Variants in CDKAL1 observed in about 807,000 individuals in gnomAD.
CDKAL1 encodes the protein CDKAL1 threonylcarbamoyladenosine tRNA methylthiotransferase.
CDKAL1 carries 32 observed loss-of-function variants against 68.2 expected under a neutral mutation model. The observed-to-expected ratio is 0.47, with a 90% CI of 0.35 to 0.63. The LOEUF is 0.63. CDKAL1 is among the 30% of genes least tolerant of loss of function. The pLI is 0.00. For missense variants in CDKAL1, 606 were observed against 696.7 expected (o/e 0.87, Z 1.47); for synonymous variants, 234 against 244.3 (o/e 0.96, Z 0.39).
Position 21,148,847 on chromosome 6 carries a change from A to G in CDKAL1, c.1299+40384A>G, listed in dbSNP as rs932600972. 3.9e-5 allele frequency among the ~76,000 whole-genome samples: 6 copies of G among 152,338 alleles called. No individual in the cohort carries two copies. The East Asian group carries it at 5.8e-4, about 15-fold the overall frequency. On this transcript the variant is annotated intron_variant, in intron 13 of 15. Transcript: ENST00000274695. The stretch of plus-strand genomic sequence containing the variant: ...ACTAATTCACCAAAAATAAGTACAC[A>G]TACTTTTCAATTTTAAAAGATTACC...
chr6:21,119,936 C>T (rs752965430), intron 13 of CDKAL1, among the ~76,000 whole-genome samples: 2 of 152,184 alleles, frequency 1.3e-5, no homozygotes, highest in Non-Finnish European at 2.9e-5. Flanking sequence ...TCCTCCATCC[C>T]TCCTCTGTTG....
intron 10 of CDKAL1, among the ~76,000 whole-genome samples, chr6:20,988,648 T>TTTTA (rs1289236324): frequency 6.6e-6 from 1 of 151,860 alleles, no homozygotes; most frequent in African/African-American, 2.4e-5. Context: ...TTGTTTCTAT[T>TTTTA]TTTATTTATT....
At chr6:21,014,718 A>G (rs931561121) in intron 11 of CDKAL1, among the ~76,000 whole-genome samples, 2 of 152,160 alleles carry the variant, frequency 1.3e-5, no homozygotes, top group East Asian at 1.9e-4. Flanking sequence ...TCTCTTGAGC[A>G]TCAATACCGA....
intron 5 of CDKAL1, among the ~76,000 whole-genome samples, chr6:20,719,191 G>C (rs1772231467): frequency 6.6e-6 from 1 of 152,174 alleles, no homozygotes; most frequent in African/African-American, 2.4e-5. Context: ...AGTAGAGGAG[G>C]AGGATGGGCA....
intron 4 of CDKAL1, among the ~76,000 whole-genome samples, chr6:20,603,992 C>T (rs889273120): frequency 2.0e-5 from 3 of 148,686 alleles, no homozygotes; most frequent in Non-Finnish European, 4.5e-5. Context: ...AGACCTGGAA[C>T]AAACAGGATG....
chr6:21,124,420 G>T (rs1425620947), intron 13 of CDKAL1, among the ~76,000 whole-genome samples: 1 of 152,060 alleles, frequency 6.6e-6, no homozygotes, highest in Admixed American at 6.5e-5. Flanking sequence ...ACATGCAACA[G>T]ACTCGGGGGC....
At chr6:21,148,623 T>C (rs148721126) in intron 13 of CDKAL1, among the ~76,000 whole-genome samples, 2 of 152,170 alleles carry the variant, frequency 1.3e-5, no homozygotes, top group African/African-American at 4.8e-5. Flanking sequence ...CTGGATATAT[T>C]TTTCTTTTTT....
chr6:21,018,572 T>C (rs1045023348), intron 11 of CDKAL1, among the ~76,000 whole-genome samples: 4 of 152,226 alleles, frequency 2.6e-5, no homozygotes, highest in Admixed American at 1.3e-4. Flanking sequence ...AATAAGCTTC[T>C]GCCTGAGTAA....
rs933214825 is a variant in CDKAL1 at position 21,108,579 on chromosome 6, A to T, written c.1299+116A>T. On this transcript the variant is annotated intron_variant, in intron 13 of 15. Transcript: ENST00000274695. ...CACTTACCAATTACATTTATATTTC[A>T]ATTTAAATTTTTTAGCTCTTTATCC... is the stretch of plus-strand genomic sequence containing the variant. 52 of 623,368 alleles carry T rather than the reference A, an allele frequency of 8.3e-5. No homozygotes were observed. In the African/African-American group the frequency reaches 9.1e-4, roughly 11 times the overall value. The allele number at this position is 623,368 out of a possible 1,614,324, so 38.6% of individuals were successfully genotyped here.
chr6:21,042,960 T>C (rs1420824026), intron 11 of CDKAL1, among the ~76,000 whole-genome samples: 1 of 152,164 alleles, frequency 6.6e-6, no homozygotes. Context: ...GACATAGAGA[T>C]AGTAATAGTA....
intron 12 of CDKAL1, among the ~76,000 whole-genome samples, chr6:21,091,858 T>C (rs889783236): frequency 4.2e-3 from 7 of 1,682 alleles, no homozygotes; most frequent in South Asian, 0.022. Flanking sequence ...CAGAACTTTC[T>C]TTTTTTTTTT....
At position 20,880,551 on chromosome 6, in the gene CDKAL1, G is replaced by A. The variant is rs144648397; in HGVS notation, c.742+34373G>A. Among the ~76,000 whole-genome samples the A allele has an allele frequency of 1.1e-3, 161 of 152,126 alleles. 1 individual carries two copies. The highest frequency in any genetic ancestry group is 3.6e-3 in the African/African-American group (151 of 41,514). Reference sequence around the variant, plus strand: ...ATTACAGGCGTGAGCCACCGCGCCTGGCCAAGAAACTACATTCTTTAAGTT... The same window carrying A: ...ATTACAGGCGTGAGCCACCGCGCCTAGCCAAGAAACTACATTCTTTAAGTT... On this transcript the variant is annotated intron_variant, in intron 9 of 15. Transcript: ENST00000274695.
At chr6:20,634,874 G>A (rs1561984121) in intron 4 of CDKAL1, among the ~76,000 whole-genome samples, 1 of 151,640 alleles carries the variant, frequency 6.6e-6, no homozygotes, top group Non-Finnish European at 1.5e-5. Flanking sequence ...CTACTTGGGA[G>A]GCTGAGGCAG....
chr6:21,153,685 A>T (rs1021659606), intron 13 of CDKAL1, among the ~76,000 whole-genome samples: 1 of 152,216 alleles, frequency 6.6e-6, no homozygotes, highest in South Asian at 2.1e-4. Flanking sequence ...TAGAAAAAAA[A>T]TAGAGGGATT....
At chr6:21,197,194 C>G (rs1430715567) in intron 13 of CDKAL1, among the ~76,000 whole-genome samples, 2 of 151,798 alleles carry the variant, frequency 1.3e-5, no homozygotes, top group East Asian at 1.9e-4. Context: ...ATACTTGATA[C>G]CTTAAGTGCT....
intron 12 of CDKAL1, among the ~76,000 whole-genome samples, chr6:21,082,882 T>TTG (rs1011349728): frequency 8.0e-5 from 12 of 150,498 alleles, no homozygotes; most frequent in African/African-American, 2.9e-4. Flanking sequence ...TTGTTTTTTT[T>TTG]TTTTTTTTTG....
At chr6:20,856,814 G>A (rs1561835354) in intron 9 of CDKAL1, among the ~76,000 whole-genome samples, 3 of 152,208 alleles carry the variant, frequency 2.0e-5, no homozygotes, top group Non-Finnish European at 2.9e-5. Flanking sequence ...AGATGTGAAA[G>A]TGATACTGCT....
chr6:20,943,264 G>A (rs1764070981), intron 9 of CDKAL1, among the ~76,000 whole-genome samples: 1 of 130,594 alleles, frequency 7.7e-6, no homozygotes. Context: ...CTTTGTTCTT[G>A]TATACAATAT....
chr6:20,886,800 C>T (rs1761088997), intron 9 of CDKAL1, among the ~76,000 whole-genome samples: 1 of 152,010 alleles, frequency 6.6e-6, no homozygotes, highest in South Asian at 2.1e-4. Context: ...GATGAAAAAG[C>T]TTTGGAAATG....
Sources: gnomAD v4.1 joint callset for allele counts (sites outside exome capture counted in the v4.1 genomes callset) on GRCh38, gnomAD v4.1.1 for gene constraint, MANE v1.5 for transcripts, NCBI Gene and HGNC (gene_info 2026-07-23, HGNC 2026-07-21) for gene names.